Variants in KIAA1614 observed in about 807,000 individuals in gnomAD.
KIAA1614 encodes uncharacterized protein KIAA1614.
In KIAA1614, 76 loss-of-function variants were observed where a neutral mutation model predicts 88.7. The observed-to-expected ratio is 0.86, with a 90% confidence interval of 0.71 to 1.04. KIAA1614 has a LOEUF of 1.04. Among genes scored for constraint, KIAA1614 ranks in the 50% least tolerant of loss-of-function variants. The pLI, the probability that KIAA1614 is intolerant of heterozygous loss-of-function variation, is 0.00. For missense variants in KIAA1614, 1,553 were observed against 1,582.5 expected (o/e 0.98, Z 0.32); for synonymous variants, 714 against 675.5 (o/e 1.06, Z -0.88).
intron 1 of KIAA1614, among the ~76,000 whole-genome samples, chr1:180,915,436 C>G (rs974676274): frequency 6.6e-6 from 1 of 152,172 alleles, no homozygotes; most frequent in Non-Finnish European, 1.5e-5. Flanking sequence ...AAGTAAGAGG[C>G]CAGGGATTGG....
chr1:180,922,718 C>G (rs1042035508), intron 3 of KIAA1614, among the ~76,000 whole-genome samples: 6 of 152,212 alleles, frequency 3.9e-5, no homozygotes, highest in Admixed American at 2.6e-4. Context: ...AGCACTTCAC[C>G]TCAAGCCACC....
chr1:180,935,014 G>A lies in KIAA1614; in HGVS notation c.1206-101G>A, dbSNP rs556890649. The A allele has an allele frequency of 4.6e-6, 4 of 861,034 alleles. No individual in the cohort carries two copies. Among genetic ancestry groups the A allele is most frequent in the Non-Finnish European group, 6.3e-6 (4 of 632,706 alleles). 53.3% of individuals were successfully genotyped at this position (861,034 alleles called of 1,614,324 possible). A position where few individuals can be genotyped will look rare whatever the true frequency, so the allele number is the denominator to read the frequency against. Reference sequence around the variant, plus strand: ...GTGGGTTGCGGTTGCCACAGAGCACGGTGGGAGACTGTAGCCCAGGGTGGA... The same window carrying A: ...GTGGGTTGCGGTTGCCACAGAGCACAGTGGGAGACTGTAGCCCAGGGTGGA... On this transcript the variant is annotated intron_variant, in intron 4 of 8. Transcript: ENST00000367588. This position sits in a 1 kb window ranked among gnomAD's most constrained non-coding sequence, Gnocchi z 6.1.
At chr1:180,941,610 A>G (rs1207087571) in intron 7 of KIAA1614, among the ~76,000 whole-genome samples, 1 of 152,204 alleles carries the variant, frequency 6.6e-6, no homozygotes, top group African/African-American at 2.4e-5. Flanking sequence ...CTCCATGGCC[A>G]TAGTGACTCT....
At chr1:180,921,205 T>A (rs920431043) in intron 3 of KIAA1614, among the ~76,000 whole-genome samples, 2 of 96,594 alleles carry the variant, frequency 2.1e-5, no homozygotes, top group African/African-American at 8.0e-5. Flanking sequence ...GGTTTTTCTC[T>A]TACGGGCAGG....
intron 4 of KIAA1614, among the ~76,000 whole-genome samples, chr1:180,929,078 G>A (rs892219626): frequency 3.5e-4 from 53 of 152,214 alleles, no homozygotes; most frequent in African/African-American, 1.2e-3. Context: ...CAGACCATGC[G>A]GGCTTGACTT....
Position 180,950,420 on chromosome 1 carries a change from G to T in KIAA1614, c.*4832G>T. 8.2e-7 allele frequency: 1 copy of T among 1,218,542 alleles called. No homozygotes were observed. The highest frequency in any genetic ancestry group is 1.0e-6 in the Non-Finnish European group (1 of 953,470). 75.5% of individuals were successfully genotyped at this position (1,218,542 alleles called of 1,614,324 possible). A position where few individuals can be genotyped will look rare whatever the true frequency, so the allele number is the denominator to read the frequency against. ...GCTGGGGGTGGGCGATGAGATCCTCGAGGTGAACGGGGCCAAGGTGGCAGG... is the reference window on the plus strand; with the variant it reads ...GCTGGGGGTGGGCGATGAGATCCTCTAGGTGAACGGGGCCAAGGTGGCAGG... On this transcript the variant is annotated 3_prime_UTR_variant, in exon 9 of 9. Coordinates refer to ENST00000367588, the MANE Select transcript of KIAA1614 (RefSeq NM_020950.2).
At chr1:180,938,486 G>A in intron 5 of KIAA1614, 69 bp from the exon 6 acceptor site, 1 of 1,543,508 alleles carries the variant, frequency 6.5e-7, no homozygotes, top group Non-Finnish European at 8.8e-7. Context: ...TGCTGGGAAT[G>A]TCCCATTCCC....
At chr1:180,920,037 G>T (rs576568775) in intron 3 of KIAA1614, among the ~76,000 whole-genome samples, 5 of 152,332 alleles carry the variant, frequency 3.3e-5, no homozygotes, top group East Asian at 1.9e-4. Context: ...GGGGAAACAC[G>T]CATTGTTTGG....
Position 180,938,538 on chromosome 1 carries a change from T to C in KIAA1614, c.2762-17T>C. ...ATGAGCCGGTCTGACTCAGGTGGGA[T>C]GCTGTGCTTGTTTCAGGAGGACCCC... On this transcript the variant is annotated splice_polypyrimidine_tract_variant and intron_variant, in intron 5 of 8. Coordinates refer to ENST00000367588, the MANE Select transcript of KIAA1614 (RefSeq NM_020950.2). 1 of 1,613,086 alleles carries C rather than the reference T, an allele frequency of 6.2e-7. No individual in the cohort carries two copies.
Position 180,935,934 on chromosome 1 carries a change from A to C in KIAA1614, c.2025A>C (p.Gln675His). Residue 675 changes from glutamine to histidine, a missense_variant, in exon 5 of 9, where the codon CAA (glutamine) becomes CAC (histidine). Transcript: ENST00000367588. This position sits in a 1 kb window ranked among gnomAD's most constrained non-coding sequence, Gnocchi z 6.1. ...AELPWGLQAQ[Q>H]HLPRADDVEV... ...TCCCTTGGGGCCTTCAGGCCCAGCA[A>C]CACCTGCCTAGGGCTGATGATGTGG... 6.2e-7 allele frequency: 1 copy of C among 1,614,022 alleles called. No homozygotes were observed. Among genetic ancestry groups the C allele is most frequent in the Non-Finnish European group, 8.5e-7 (1 of 1,179,914 alleles).
intron 4 of KIAA1614, among the ~76,000 whole-genome samples, chr1:180,931,543 T>C (rs746371385): frequency 9.2e-5 from 14 of 152,246 alleles, no homozygotes; most frequent in African/African-American, 2.4e-5. Flanking sequence ...TGCACTTGTC[T>C]CCAAAATCTT....
intron 1 of KIAA1614, among the ~76,000 whole-genome samples, chr1:180,915,369 A>G (rs1238749243): frequency 6.6e-6 from 1 of 152,178 alleles, no homozygotes; most frequent in Non-Finnish European, 1.5e-5. Context: ...TGGAGAGGGA[A>G]GAGCATGTTG....
rs1367901450 is a variant in KIAA1614 at position 180,913,409 on chromosome 1, C to T, written c.50+116C>T. The T allele has an allele frequency of 8.1e-6, 5 of 615,902 alleles. No individual in the cohort carries two copies. The East Asian group carries it at 1.1e-4, about 13-fold the overall frequency. 38.2% of individuals were successfully genotyped at this position (615,902 alleles called of 1,614,324 possible). ...CTGGGAAGCGGGCCTCCCACGGGCT[C>T]GGAGCTGGAAGGGTCGTGGGGAGGC... On this transcript the variant is annotated intron_variant, in intron 1 of 8. Coordinates refer to ENST00000367588, the MANE Select transcript of KIAA1614 (RefSeq NM_020950.2).
In KIAA1614 at chr1:180,916,278, A is replaced by T. The variant is rs1180365033; in HGVS notation, c.175A>T (p.Asn59Tyr). The T allele has an allele frequency of 6.2e-7, 1 of 1,613,810 alleles. No individual in the cohort carries two copies. The highest frequency in any genetic ancestry group is 2.2e-5 in the East Asian group (1 of 44,896). The change falls in exon 2 of 9, where the codon AAC (asparagine) becomes TAC (tyrosine). Residue 59 changes from asparagine to tyrosine, a missense_variant. Asn to Tyr is a moderately radical substitution (Grantham distance 143, BLOSUM62 -2). Coordinates refer to ENST00000367588, the MANE Select transcript of KIAA1614 (RefSeq NM_020950.2). ...PPRPWPCPQE[N>Y]RTSSLMAPQP... Reference sequence around the variant, plus strand: ...AAGACCCTGGCCTTGCCCTCAGGAAAACAGAACATCCAGCCTGATGGCCCC... The same window carrying T: ...AAGACCCTGGCCTTGCCCTCAGGAATACAGAACATCCAGCCTGATGGCCCC...
intron 3 of KIAA1614, among the ~76,000 whole-genome samples, chr1:180,922,519 ACT>A (rs1024325753): frequency 6.6e-5 from 10 of 151,884 alleles, no homozygotes; most frequent in Non-Finnish European, 1.3e-4. Flanking sequence ...CAGTTTCTAG[ACT>A]CTAAGTTAAA....
At chr1:180,920,826 C>A (rs763863652) in intron 3 of KIAA1614, among the ~76,000 whole-genome samples, 29 of 152,202 alleles carry the variant, frequency 1.9e-4, no homozygotes, top group Non-Finnish European at 3.2e-4. Flanking sequence ...GGAGGAGACC[C>A]CCGGCCCCCA....
In KIAA1614 at chr1:180,946,985, T is replaced by C. The variant is rs934305823; in HGVS notation, c.*1397T>C. 7 of 152,280 alleles carry C rather than the reference T, an allele frequency of 4.6e-5. No individual in the cohort carries two copies. The highest frequency in any genetic ancestry group is 1.7e-4 in the African/African-American group (7 of 41,448). 9.4% of individuals were successfully genotyped at this position (152,280 alleles called of 1,614,324 possible). ...ATGTCAGATGGTGAAAAGAAAGTTC[T>C]GAGAAACAGACAGATAAAGCAGGTG... On this transcript the variant is annotated 3_prime_UTR_variant, in exon 9 of 9. Transcript: ENST00000367588.
intron 4 of KIAA1614, among the ~76,000 whole-genome samples, chr1:180,933,332 C>A (rs535023497): frequency 1.5e-4 from 23 of 152,318 alleles, no homozygotes; most frequent in African/African-American, 5.5e-4. Context: ...ATTTTCCCTC[C>A]AAAGTGTATG....
rs1267045374 is a variant in KIAA1614, at chr1:180,949,893, G to C, written c.*4305G>C. 1 of 152,288 alleles carries C rather than the reference G, an allele frequency of 6.6e-6. No individual in the cohort carries two copies. Among genetic ancestry groups the C allele is most frequent in the Non-Finnish European group, 1.5e-5 (1 of 68,056 alleles). The allele number at this position is 152,288 out of a possible 1,614,324, so 9.4% of individuals were successfully genotyped here. A position where few individuals can be genotyped will look rare whatever the true frequency, so the allele number is the denominator to read the frequency against. On this transcript the variant is annotated 3_prime_UTR_variant, in exon 9 of 9. Coordinates refer to ENST00000367588, the MANE Select transcript of KIAA1614 (RefSeq NM_020950.2). ...TCCCACCACCCCGGCCTTTACGCTG[G>C]GCCTGGGTGACCTGAGGCAGCAACT...
Sources: gnomAD v4.1 joint callset for allele counts (sites outside exome capture counted in the v4.1 genomes callset) on GRCh38, gnomAD v4.1.1 for gene constraint, Gnocchi (gnomAD v3.1) non-coding constraint, MANE v1.5 for transcripts, NCBI Gene and HGNC (gene_info 2026-07-23, HGNC 2026-07-21) for gene names.